Variants in PI4KB observed in about 807,000 individuals in gnomAD.
PI4KB encodes the protein phosphatidylinositol 4-kinase beta.
PI4KB carries 23 observed loss-of-function variants against 81.4 expected under a neutral mutation model. The ratio of observed to expected loss-of-function variants is 0.28; its 90% confidence interval spans 0.20 to 0.40. The LOEUF is 0.40. Ranked by LOEUF, PI4KB falls within the 10% of genes least tolerant of loss-of-function variation. The probability of loss-of-function intolerance (pLI) is 1.00; values close to 1 mark genes in which losing one functional copy is unlikely to be tolerated. For synonymous variants in PI4KB, 381 were observed against 406.8 expected, an observed-to-expected ratio of 0.94 and a Z score of 0.76; for missense variants, 651 against 1,036.6, an observed-to-expected ratio of 0.63 and a Z score of 5.11.
chr1:151,315,642 A>G lies in PI4KB; in HGVS notation c.840T>C (p.Thr280=). 1 of 1,614,132 alleles carries G rather than the reference A, an allele frequency of 6.2e-7. No individual in the cohort carries two copies. Among genetic ancestry groups the G allele is most frequent in the Non-Finnish European group, 8.5e-7 (1 of 1,180,020 alleles). The change falls in exon 2 of 12, where the codon ACT becomes ACC. Residue 280 remains threonine, a synonymous_variant. Transcript: ENST00000368873. The part of the protein sequence containing the change: ...RTHQRSKSDA[T]ASISLSSNLK... ...GGTTGCTGCTGAGACTTATGCTGGC[A>G]GTGGCATCTGACTTAGAGCGCTGGT...
At chr1:151,310,172 G>A in intron 3 of PI4KB, 39 bp downstream of exon 3, 1 of 1,514,860 alleles carries the variant, frequency 6.6e-7, no homozygotes, top group Non-Finnish European at 9.1e-7. Context: ...GCGGCCACTG[G>A]GGGAGCCTGC....
At chr1:151,311,635 T>C (rs1696232703) in intron 2 of PI4KB, among the ~76,000 whole-genome samples, 2 of 152,180 alleles carry the variant, frequency 1.3e-5, no homozygotes, top group Admixed American at 6.5e-5. Flanking sequence ...GCAGGCAAGA[T>C]ATTGGCTCCC....
intron 11 of PI4KB, chr1:151,293,367 CAG>C: frequency 3.0e-6 from 4 of 1,330,150 alleles, no homozygotes; most frequent in African/African-American, 3.0e-5. Context: ...TATCTGGTTG[CAG>C]ACCTCTGCCT....
intron 4 of PI4KB, 52 bp downstream of exon 4, chr1:151,307,522 C>G (rs1189875917): frequency 8.0e-7 from 1 of 1,255,702 alleles, no homozygotes; most frequent in Non-Finnish European, 1.2e-6. Flanking sequence ...TCTGAACAAC[C>G]ATGGGTGAAG....
chr1:151,305,547 C>CTTTT (rs1439586275), intron 5 of PI4KB, among the ~76,000 whole-genome samples: 1 of 152,222 alleles, frequency 6.6e-6, no homozygotes, highest in Non-Finnish European at 1.5e-5. Context: ...CCTACCCATG[C>CTTTT]TTCCAGCCTC....
At chr1:151,323,912 A>G (rs192548453) in intron 1 of PI4KB, among the ~76,000 whole-genome samples, 5 of 152,266 alleles carry the variant, frequency 3.3e-5, no homozygotes, top group Admixed American at 1.3e-4. Flanking sequence ...CTCTTTGAGT[A>G]CCATTGGATT....
chr1:151,319,504 T>C (rs189482948), intron 1 of PI4KB, among the ~76,000 whole-genome samples: 294 of 152,238 alleles, frequency 1.9e-3, no homozygotes, highest in African/African-American at 6.5e-3. Flanking sequence ...GGAGGGACAA[T>C]TGAAAAGGCA....
intron 2 of PI4KB, among the ~76,000 whole-genome samples, chr1:151,315,307 C>T (rs1316659285): frequency 1.3e-5 from 2 of 152,152 alleles, no homozygotes; most frequent in Non-Finnish European, 2.9e-5. Context: ...ATTTGGGACA[C>T]AGTCAGGAGC....
At chr1:151,319,586 A>G (rs1648543883) in intron 1 of PI4KB, among the ~76,000 whole-genome samples, 1 of 152,226 alleles carries the variant, frequency 6.6e-6, no homozygotes, top group Non-Finnish European at 1.5e-5. Context: ...TCACAAAACA[A>G]AGAACACCTC....
intron 9 of PI4KB, among the ~76,000 whole-genome samples, chr1:151,297,884 A>G (rs1360754135): frequency 1.3e-5 from 2 of 152,198 alleles, no homozygotes; most frequent in Non-Finnish European, 1.5e-5. Context: ...TGGAAGCCCC[A>G]GCAGCACTGG....
chr1:151,310,938 T>C (rs967752132), intron 2 of PI4KB, among the ~76,000 whole-genome samples: 1 of 152,162 alleles, frequency 6.6e-6, no homozygotes, highest in African/African-American at 2.4e-5. Context: ...CAAACCTCCT[T>C]AGGCTTCCTA....
At position 151,294,129 on chromosome 1, in the gene PI4KB, C is replaced by A; in HGVS notation, c.2158G>T (p.Gly720Cys). The A allele has an allele frequency of 6.2e-7, 1 of 1,613,148 alleles. No homozygotes were observed. Among genetic ancestry groups the A allele is most frequent in the Non-Finnish European group, 8.5e-7 (1 of 1,179,448 alleles). Residue 720 changes from glycine to cysteine, a missense_variant, in exon 11 of 12, where the codon GGC (glycine) becomes TGC (cysteine). Transcript: ENST00000368873. The part of the protein sequence containing the change: ...LTTEFVDVMG[G>C]LDGDMFNYYK... ...TAGTTGAACATGTCGCCATCCAGGCCGCCCATCACCTGGAAAGGGAAGAGA... is the reference window on the plus strand; with the variant it reads ...TAGTTGAACATGTCGCCATCCAGGCAGCCCATCACCTGGAAAGGGAAGAGA...
chr1:151,302,465 GCTAA>G (rs587748569), intron 6 of PI4KB, among the ~76,000 whole-genome samples, 167 bp from the exon 7 acceptor site: 233 of 152,016 alleles, frequency 1.5e-3, no homozygotes, highest in African/African-American at 5.5e-3. Context: ...ACACCTTTTT[GCTAA>G]CTGATTGTAA....
chr1:151,310,400 A>G, intron 2 of PI4KB, 145 bp from the exon 3 acceptor site: 2 of 627,964 alleles, frequency 3.2e-6, no homozygotes. Context: ...AAGAAAGTCA[A>G]CTCAGAAATG....
chr1:151,317,343 G>T (rs1648119469), intron 1 of PI4KB, among the ~76,000 whole-genome samples: 1 of 151,766 alleles, frequency 6.6e-6, no homozygotes, highest in African/African-American at 2.4e-5. Context: ...TTGAGACAGG[G>T]TCTTGCTCTG....
In PI4KB at chr1:151,294,504, T is replaced by C; in HGVS notation, c.2053A>G (p.Ile685Val). 1.2e-6 allele frequency: 2 copies of C among 1,614,050 alleles called. No homozygotes were observed. Among genetic ancestry groups the C allele is most frequent in the Non-Finnish European group, 8.5e-7 (1 of 1,179,986 alleles). Residue 685 changes from isoleucine (I) to valine (V), a missense_variant, in exon 10 of 12, where the codon ATC becomes GTC. Ile to Val is a conservative substitution (Grantham distance 29, BLOSUM62 3). Coordinates refer to ENST00000368873, the MANE Select transcript of PI4KB (RefSeq NM_001369623.2). ...GNILLDAEGH[I>V]IHIDFGFILS... Reference sequence around the variant, plus strand: ...ATGAAGCCAAAGTCGATGTGGATGATGTGGCCTTCTGCGTCCAAAAGGATA... The same window carrying C: ...ATGAAGCCAAAGTCGATGTGGATGACGTGGCCTTCTGCGTCCAAAAGGATA...
rs587698731 is a variant in PI4KB, at chr1:151,302,722, C to T, written c.1521-424G>A. On this transcript the variant is annotated intron_variant, in intron 6 of 11. Transcript: ENST00000368873. ...CCTCCCGAGTAGCTGGGACTACAGG[C>T]GCCCACCACCACGCCCAGCTAATTT... 2.7e-3 allele frequency among the ~76,000 whole-genome samples: 405 copies of T among 151,062 alleles called. 12 individuals are homozygous for T. Among genetic ancestry groups the T allele is most frequent in the Non-Finnish European group, 4.4e-4 (30 of 67,754 alleles).
intron 3 of PI4KB, 148 bp from the exon 4 acceptor site, chr1:151,307,949 G>T: frequency 3.2e-6 from 2 of 629,900 alleles, no homozygotes; most frequent in Non-Finnish European, 5.7e-6. Context: ...CTTAGTAGGA[G>T]CTTCCACCCA....
At position 151,294,036 on chromosome 1, in the gene PI4KB, C is replaced by G. The variant is rs776579808; in HGVS notation, c.2251G>C (p.Val751Leu). Residue 751 changes from valine to leucine, a missense_variant, in exon 11 of 12, where the codon GTG (valine) becomes CTG (leucine). Around this residue, in one of 5 missense-constraint regions of PI4KB, gnomAD observed 70 missense variants for 108.1 expected, o/e 0.65. Coordinates refer to ENST00000368873, the MANE Select transcript of PI4KB (RefSeq NM_001369623.2). The part of the protein sequence containing the change: ...RKHMDKVVQI[V>L]EIMQQGSQLP... ...GCCCCACCTTGCTGCATGATCTCCA[C>G]GATCTGCACCACCTTGTCCATGTGT... is the stretch of plus-strand genomic sequence containing the variant. 3 of 1,614,098 alleles carry G rather than the reference C, an allele frequency of 1.9e-6. No homozygotes were observed. Among genetic ancestry groups the G allele is most frequent in the Admixed American group, 3.3e-5 (2 of 60,004 alleles).
Sources: gnomAD v4.1 joint callset for allele counts (sites outside exome capture counted in the v4.1 genomes callset) on GRCh38, gnomAD v4.1.1 for gene constraint, gnomAD v4.1.1 regional missense constraint, MANE v1.5 for transcripts, NCBI Gene and HGNC (gene_info 2026-07-23, HGNC 2026-07-21) for gene names.